Variants in IQCM observed in about 807,000 individuals in gnomAD.
The protein encoded by IQCM is IQ domain-containing protein M.
A neutral mutation model predicts 57.6 loss-of-function variants in IQCM; 45 were observed. That is an observed-to-expected ratio of 0.78 (90% CI 0.62 to 1.00). IQCM has a LOEUF of 1.00. IQCM is among the 50% of genes least tolerant of loss of function. The probability of loss-of-function intolerance (pLI) is 0.00; values close to 1 mark genes in which losing one functional copy is unlikely to be tolerated. For synonymous variants in IQCM, 148 were observed against 158.9 expected (o/e 0.93, Z 0.51); for missense variants, 468 against 511.6 (o/e 0.91, Z 0.82).
intron 8 of IQCM, among the ~76,000 whole-genome samples, chr4:149,590,247 C>CTTTTTT (rs71596214): frequency 2.6e-4 from 19 of 73,594 alleles, no homozygotes; most frequent in South Asian, 6.0e-4. Context: ...TTTTTCTTTC[C>CTTTTTT]TTTTTTTTTT....
chr4:149,532,098 G>A (rs764432068), intron 12 of IQCM, among the ~76,000 whole-genome samples: 12 of 151,994 alleles, frequency 7.9e-5, no homozygotes, highest in Non-Finnish European at 1.5e-4. Flanking sequence ...ATGCTTGGCC[G>A]GCTCTGCAAG....
chr4:149,526,301 C>T (rs1179516696), intron 12 of IQCM, among the ~76,000 whole-genome samples: 1 of 151,894 alleles, frequency 6.6e-6, no homozygotes, highest in Non-Finnish European at 1.5e-5. Flanking sequence ...ATATTTATAT[C>T]ATGGAACATT....
At chr4:149,448,085 A>C (rs1223538982) in intron 12 of IQCM, among the ~76,000 whole-genome samples, 1 of 151,716 alleles carries the variant, frequency 6.6e-6, no homozygotes, top group Non-Finnish European at 1.5e-5. Context: ...CATTCTCGTC[A>C]ATTGTACACA....
intron 5 of IQCM, among the ~76,000 whole-genome samples, chr4:149,708,890 T>C (rs1296428183): frequency 6.6e-6 from 1 of 152,082 alleles, no homozygotes; most frequent in Non-Finnish European, 1.5e-5. Context: ...GCCAATGGTA[T>C]TAACAACCAG....
At chr4:149,618,143 T>C (rs1755963511) in intron 8 of IQCM, among the ~76,000 whole-genome samples, 1 of 152,112 alleles carries the variant, frequency 6.6e-6, no homozygotes, top group African/African-American at 2.4e-5. Context: ...GTGACATTGG[T>C]TCAAAAATAG....
chr4:149,713,097 A>G (rs113495847), intron 5 of IQCM, among the ~76,000 whole-genome samples: 7 of 152,092 alleles, frequency 4.6e-5, no homozygotes, highest in African/African-American at 1.7e-4. Context: ...ATATTAAAAC[A>G]TAGAGGCTAC....
At chr4:149,619,636 T>A (rs1756140449) in intron 8 of IQCM, among the ~76,000 whole-genome samples, 1 of 152,170 alleles carries the variant, frequency 6.6e-6, no homozygotes. Flanking sequence ...AAATGACAGA[T>A]TAAGAACTAT....
chr4:149,552,768 A>G (rs1238269311), intron 11 of IQCM, among the ~76,000 whole-genome samples: 1 of 152,218 alleles, frequency 6.6e-6, no homozygotes. Context: ...GCATAGCAAC[A>G]AAGAGTCTTT....
intron 9 of IQCM, among the ~76,000 whole-genome samples, chr4:149,569,585 A>G (rs1303595267): frequency 2.0e-5 from 3 of 152,198 alleles, no homozygotes; most frequent in Non-Finnish European, 4.4e-5. Context: ...GCCCTGCTAC[A>G]AGTTACAGGT....
At chr4:149,616,724 T>C (rs1389405007) in intron 8 of IQCM, among the ~76,000 whole-genome samples, 1 of 151,940 alleles carries the variant, frequency 6.6e-6, no homozygotes, top group African/African-American at 2.4e-5. Context: ...ACACAGGGCA[T>C]GTTGGGCGGC....
chr4:149,798,107 C>A lies in IQCM; in HGVS notation c.-49+17204G>T, dbSNP rs1259892434. On this transcript the variant is annotated intron_variant, in intron 2 of 13. Coordinates refer to ENST00000636793, the MANE Select transcript of IQCM (RefSeq NM_001363507.2). ...ATAAGTAGAAAAACTAGTAATGAACCAATCAAAAATAATAACTACAACAAC... is the reference window on the plus strand; with the variant it reads ...ATAAGTAGAAAAACTAGTAATGAACAAATCAAAAATAATAACTACAACAAC... 2.6e-5 allele frequency among the ~76,000 whole-genome samples: 4 copies of A among 151,798 alleles called. No individual in the cohort carries two copies. The South Asian group carries it at 6.2e-4, about 24-fold the overall frequency.
chr4:149,761,813 C>T (rs547387711), intron 2 of IQCM, among the ~76,000 whole-genome samples: 30 of 152,078 alleles, frequency 2.0e-4, no homozygotes, highest in African/African-American at 6.7e-4. Flanking sequence ...AATATATGTG[C>T]CAAAACTATA....
intron 13 of IQCM, among the ~76,000 whole-genome samples, chr4:149,384,765 G>C (rs1409219821): frequency 6.7e-6 from 1 of 149,024 alleles, no homozygotes; most frequent in Non-Finnish European, 1.5e-5. Flanking sequence ...TTTTTTGTCA[G>C]TTTAACTTGC....
At chr4:149,366,860 G>T (rs913020206) in intron 13 of IQCM, among the ~76,000 whole-genome samples, 5 of 151,902 alleles carry the variant, frequency 3.3e-5, no homozygotes, top group Non-Finnish European at 5.9e-5. Flanking sequence ...ACAATAAAAT[G>T]CTGGGGAAAA....
chr4:149,568,668 C>A (rs1269189935), intron 9 of IQCM, among the ~76,000 whole-genome samples: 1 of 151,874 alleles, frequency 6.6e-6, no homozygotes, highest in Non-Finnish European at 1.5e-5. Flanking sequence ...GCACATGCTA[C>A]CATGGGAGGC....
At chr4:149,712,866 G>C (rs1473879070) in intron 5 of IQCM, among the ~76,000 whole-genome samples, 7 of 152,066 alleles carry the variant, frequency 4.6e-5, no homozygotes, top group African/African-American at 1.2e-4. Context: ...AAAATATTTG[G>C]CCTGAAAAAT....
chr4:149,593,011 G>A (rs1753360422), intron 8 of IQCM, among the ~76,000 whole-genome samples: 1 of 152,134 alleles, frequency 6.6e-6, no homozygotes, highest in Admixed American at 6.6e-5. Flanking sequence ...TTGGTAGCTT[G>A]ATGGGGATGG....
At chr4:149,569,386 T>C (rs1211240118) in intron 9 of IQCM, among the ~76,000 whole-genome samples, 1 of 152,134 alleles carries the variant, frequency 6.6e-6, no homozygotes, top group Non-Finnish European at 1.5e-5. Flanking sequence ...TTTGTCAATG[T>C]CCTTGTTGTC....
intron 5 of IQCM, among the ~76,000 whole-genome samples, chr4:149,732,958 A>G (rs1246998598): frequency 1.3e-5 from 2 of 152,200 alleles, no homozygotes; most frequent in Non-Finnish European, 2.9e-5. Flanking sequence ...CATCTGTGAA[A>G]TAAACAGTCT....
Sources: gnomAD v4.1 joint callset for allele counts (sites outside exome capture counted in the v4.1 genomes callset) on GRCh38, gnomAD v4.1.1 for gene constraint, MANE v1.5 for transcripts, NCBI Gene and HGNC (gene_info 2026-07-23, HGNC 2026-07-21) for gene names.